The following NEGR1 variants were observed in gnomAD, a reference collection of about 807,000 sequenced individuals.
NEGR1 encodes IgLON family member 4.
NEGR1 carries 10 observed loss-of-function variants against 40.9 expected under a neutral mutation model. The observed-to-expected ratio is 0.24, with a 90% CI of 0.15 to 0.42. The LOEUF is 0.42. NEGR1 is among the 10% of genes least tolerant of loss of function. The pLI is 1.00. For synonymous variants in NEGR1, 185 were observed against 166.8 expected (o/e 1.11, Z -0.84); for missense variants, 352 against 438.9 (o/e 0.80, Z 1.77).
chr1:71,753,270 T>C (rs1655628898), intron 3 of NEGR1, among the ~76,000 whole-genome samples: 2 of 152,174 alleles, frequency 1.3e-5, no homozygotes. Context: ...GCTCAAATCA[T>C]TATGTAAAAT....
At chr1:72,154,687 T>C (rs531288268) in intron 1 of NEGR1, among the ~76,000 whole-genome samples, 3 of 152,188 alleles carry the variant, frequency 2.0e-5, no homozygotes, top group South Asian at 4.1e-4. Context: ...TAATGACATA[T>C]TCTTATTACA....
chr1:71,599,174 C>T (rs1293187913), intron 5 of NEGR1, among the ~76,000 whole-genome samples: 1 of 152,074 alleles, frequency 6.6e-6, no homozygotes, highest in Non-Finnish European at 1.5e-5. Flanking sequence ...TATTTATGTA[C>T]ATATATGCCA....
chr1:71,687,117 T>G (rs529187192), intron 4 of NEGR1, among the ~76,000 whole-genome samples: 1 of 152,326 alleles, frequency 6.6e-6, no homozygotes, highest in Non-Finnish European at 1.5e-5. Context: ...TTAATATGCA[T>G]TAGGCTACGA....
chr1:71,918,255 A>T (rs970957099), intron 2 of NEGR1, among the ~76,000 whole-genome samples: 5 of 131,852 alleles, frequency 3.8e-5, no homozygotes, highest in Non-Finnish European at 8.0e-5. Flanking sequence ...AAAAAAAAAA[A>T]AGAAGAAGAA....
intron 6 of NEGR1, 176 bp from the exon 7 acceptor site, chr1:71,407,746 C>G (rs1193487324): frequency 7.3e-6 from 4 of 547,466 alleles, no homozygotes; most frequent in Non-Finnish European, 1.3e-5. Flanking sequence ...GCTAACTTCT[C>G]AGAGCTTCAG....
chr1:72,130,943 T>C (rs1212205931), intron 1 of NEGR1, among the ~76,000 whole-genome samples: 1 of 152,056 alleles, frequency 6.6e-6, no homozygotes, highest in Admixed American at 6.6e-5. Context: ...AGGAATAGAA[T>C]TAGGAAAAAG....
At chr1:71,788,625 T>A (rs1375360297) in intron 2 of NEGR1, among the ~76,000 whole-genome samples, 1 of 152,058 alleles carries the variant, frequency 6.6e-6, no homozygotes, top group Non-Finnish European at 1.5e-5. Flanking sequence ...GGATTAAATA[T>A]TATATATTGC....
chr1:71,846,697 C>G (rs922278034), intron 2 of NEGR1, among the ~76,000 whole-genome samples: 6 of 152,284 alleles, frequency 3.9e-5, no homozygotes, highest in Middle Eastern at 3.4e-3. Flanking sequence ...ATTCTGGAGA[C>G]TGAGAAATGC....
intron 4 of NEGR1, among the ~76,000 whole-genome samples, chr1:71,684,520 G>A (rs1373747356): frequency 2.0e-5 from 3 of 152,066 alleles, no homozygotes; most frequent in Admixed American, 6.5e-5. Flanking sequence ...GTGTGCGTGC[G>A]TGCACATTCT....
rs113678991 is a variant in NEGR1 at position 72,271,743 on chromosome 1, C to T, written c.176+10576G>A. On this transcript the variant is annotated intron_variant, in intron 1 of 6. Transcript: ENST00000357731. Reference sequence around the variant, plus strand: ...GGAGTTGTATATCCCAGAATTCCCACGTGTTGTCCCAGAATTCCCACGTGT... The same window carrying T: ...GGAGTTGTATATCCCAGAATTCCCATGTGTTGTCCCAGAATTCCCACGTGT... 3.1e-3 allele frequency among the ~76,000 whole-genome samples: 476 copies of T among 151,948 alleles called. 2 individuals carry two copies. The highest frequency in any genetic ancestry group is 0.011 in the African/African-American group (451 of 41,490).
intron 6 of NEGR1, among the ~76,000 whole-genome samples, chr1:71,474,530 A>ACACG (rs1260107649): frequency 6.9e-6 from 1 of 145,860 alleles, no homozygotes; most frequent in African/African-American, 2.7e-5. Context: ...ACACACACAC[A>ACACG]CACACACACA....
chr1:71,647,606 C>T (rs1477815051), intron 4 of NEGR1, among the ~76,000 whole-genome samples: 1 of 151,928 alleles, frequency 6.6e-6, no homozygotes, highest in Admixed American at 6.6e-5. Context: ...TGACAAGCCA[C>T]AGTGACCATT....
At chr1:71,472,401 G>C (rs779428579) in intron 6 of NEGR1, among the ~76,000 whole-genome samples, 5 of 152,074 alleles carry the variant, frequency 3.3e-5, no homozygotes, top group African/African-American at 1.2e-4. Flanking sequence ...CTCGATATAT[G>C]AACTTTTTGA....
At chr1:71,421,394 T>G (rs1202804279) in intron 6 of NEGR1, 1 of 152,106 alleles carries the variant, frequency 6.6e-6, no homozygotes, top group East Asian at 1.9e-4. Flanking sequence ...TGGCTTACTA[T>G]TCAAGCTCGA....
chr1:71,868,436 A>AAGATAGATAGATAGATAGAT lies in NEGR1; in HGVS notation c.409+66623_409+66642dup, dbSNP rs59923029. On this transcript the variant is annotated intron_variant, in intron 2 of 6. Transcript: ENST00000357731. The stretch of plus-strand genomic sequence containing the variant: ...CTTAAATTAAATAGATAGATGATAG[A>AAGATAGATAGATAGATAGAT]AGATAGATAGATAGATAGATAGATA... Among the ~76,000 whole-genome samples the AAGATAGATAGATAGATAGAT allele has an allele frequency of 4.1e-4, 62 of 149,920 alleles. No individual in the cohort carries two copies. The South Asian group carries it at 5.1e-3, about 12-fold the overall frequency.
chr1:71,974,746 G>A (rs1646286956), intron 1 of NEGR1, among the ~76,000 whole-genome samples: 1 of 152,022 alleles, frequency 6.6e-6, no homozygotes, highest in African/African-American at 2.4e-5. Context: ...CATTTACTCA[G>A]TATCAGAGAT....
At chr1:71,570,421 G>T (rs1050951025) in intron 6 of NEGR1, among the ~76,000 whole-genome samples, 3 of 152,104 alleles carry the variant, frequency 2.0e-5, no homozygotes, top group Non-Finnish European at 4.4e-5. Flanking sequence ...GTTTCTGTAT[G>T]ATTTTAAAAG....
chr1:72,258,706 GATA>G (rs1655357098), intron 1 of NEGR1, among the ~76,000 whole-genome samples: 1 of 151,938 alleles, frequency 6.6e-6, no homozygotes, highest in African/African-American at 2.4e-5. Flanking sequence ...AATTCAAAAT[GATA>G]ATGAGTACTG....
chr1:72,157,707 C>T (rs554676391), intron 1 of NEGR1, among the ~76,000 whole-genome samples: 1 of 152,246 alleles, frequency 6.6e-6, no homozygotes, highest in South Asian at 2.1e-4. Flanking sequence ...GGGCCATACC[C>T]ATAGCCACTG....
Sources: gnomAD v4.1 joint callset for allele counts (sites outside exome capture counted in the v4.1 genomes callset) on GRCh38, gnomAD v4.1.1 for gene constraint, MANE v1.5 for transcripts, NCBI Gene and HGNC (gene_info 2026-07-23, HGNC 2026-07-21) for gene names.